Variants in DYNC1I1 observed in about 807,000 individuals in gnomAD.
DYNC1I1 encodes the protein dynein cytoplasmic 1 intermediate chain 1.
In DYNC1I1, 43 loss-of-function variants were observed where a neutral mutation model predicts 86.6. That is an observed-to-expected ratio of 0.50 (90% CI 0.39 to 0.64). DYNC1I1 has a LOEUF of 0.64. Ranked by LOEUF, DYNC1I1 falls within the 30% of genes least tolerant of loss-of-function variation. The pLI is 0.00. For synonymous variants in DYNC1I1, 262 were observed against 283.7 expected (o/e 0.92, Z 0.77); for missense variants, 604 against 788.8 (o/e 0.77, Z 2.81).
chr7:95,948,873 A>G (rs1407588161), intron 6 of DYNC1I1, among the ~76,000 whole-genome samples: 1 of 152,178 alleles, frequency 6.6e-6, no homozygotes, highest in Non-Finnish European at 1.5e-5. Flanking sequence ...CAATTCAGCA[A>G]TTCTTTAATA....
chr7:95,999,951 A>C (rs775176309), intron 10 of DYNC1I1, among the ~76,000 whole-genome samples: 20 of 152,234 alleles, frequency 1.3e-4, no homozygotes, highest in Non-Finnish European at 2.8e-4. Context: ...ACAGAGATAT[A>C]AATTAATTGA....
chr7:95,854,339 C>T (rs1165470463), intron 5 of DYNC1I1, among the ~76,000 whole-genome samples: 2 of 151,850 alleles, frequency 1.3e-5, no homozygotes, highest in African/African-American at 2.4e-5. Context: ...TACCATGAGG[C>T]TTACAGCAAA....
intron 6 of DYNC1I1, among the ~76,000 whole-genome samples, 171 bp from the exon 7 acceptor site, chr7:95,977,341 T>A (rs1184188399): frequency 1.3e-5 from 2 of 152,154 alleles, no homozygotes; most frequent in African/African-American, 4.8e-5. Context: ...TTGGAGATAA[T>A]TTATTCATAA....
At chr7:95,873,231 G>A (rs1202072138) in intron 6 of DYNC1I1, among the ~76,000 whole-genome samples, 3 of 152,088 alleles carry the variant, frequency 2.0e-5, no homozygotes, top group Non-Finnish European at 4.4e-5. Flanking sequence ...CAATAAAGAG[G>A]CCACATTATT....
chr7:95,956,337 C>T (rs1584197380), intron 6 of DYNC1I1, among the ~76,000 whole-genome samples: 1 of 151,408 alleles, frequency 6.6e-6, no homozygotes, highest in Non-Finnish European at 1.5e-5. Context: ...CTATCTCCCT[C>T]GACTTACACA....
rs911178139 is a variant in DYNC1I1 at position 95,883,836 on chromosome 7, G to A, written c.490+13838G>A. On this transcript the variant is annotated intron_variant, in intron 6 of 16. Coordinates refer to ENST00000447467, the MANE Select transcript of DYNC1I1 (RefSeq NM_001135556.2). ...TTCCTTTGGTCAACTAGTTTTAATG[G>A]TTCTCCCCTAAGGAATAAGAATTAT... is the stretch of plus-strand genomic sequence containing the variant. Among the ~76,000 whole-genome samples the A allele has an allele frequency of 1.6e-4, 25 of 152,148 alleles. 1 individual carries two copies. The East Asian group carries it at 2.1e-3, about 13-fold the overall frequency.
At chr7:96,001,765 T>C (rs182555035) in intron 10 of DYNC1I1, among the ~76,000 whole-genome samples, 290 of 152,276 alleles carry the variant, frequency 1.9e-3, no homozygotes, top group African/African-American at 6.6e-3. Context: ...CCTACCGTTA[T>C]GACCTCATAA....
At chr7:95,867,794 T>C (rs185135135) in intron 5 of DYNC1I1, among the ~76,000 whole-genome samples, 16 of 152,274 alleles carry the variant, frequency 1.1e-4, no homozygotes, top group Admixed American at 2.6e-4. Context: ...CTTCCTTGTT[T>C]ATAATAAAGA....
chr7:95,989,360 C>G (rs1029344192), intron 9 of DYNC1I1, among the ~76,000 whole-genome samples: 1 of 152,182 alleles, frequency 6.6e-6, no homozygotes, highest in Non-Finnish European at 1.5e-5. Flanking sequence ...CTTGCAGAGA[C>G]GAAGACAAGC....
At chr7:95,797,456 C>T (rs189358683) in intron 1 of DYNC1I1, among the ~76,000 whole-genome samples, 2 of 152,150 alleles carry the variant, frequency 1.3e-5, no homozygotes, top group East Asian at 1.9e-4. Context: ...AAAAGATTGG[C>T]GATGAAGTTA....
chr7:96,035,141 G>T (rs996275164), intron 12 of DYNC1I1, among the ~76,000 whole-genome samples: 41 of 152,266 alleles, frequency 2.7e-4, no homozygotes, highest in African/African-American at 9.6e-4. Flanking sequence ...GTTGAAATCT[G>T]GTTTTTATGA....
chr7:96,082,384 A>C lies in DYNC1I1; in HGVS notation c.1776+1896A>C, dbSNP rs575971487. ...ACAAGTGTAATTGTGGGAGAGAAAT[A>C]CACATGAAGACATGCTCAGAGATAC... On this transcript the variant is annotated intron_variant, in intron 16 of 16. Transcript: ENST00000447467. Among the ~76,000 whole-genome samples, 12 of 152,236 alleles carry C rather than the reference A, an allele frequency of 7.9e-5. No homozygotes were observed. In the South Asian group the frequency reaches 2.5e-3, roughly 32 times the overall value.
intron 6 of DYNC1I1, among the ~76,000 whole-genome samples, chr7:95,924,051 C>A (rs978643768): frequency 6.6e-6 from 1 of 151,486 alleles, no homozygotes. Flanking sequence ...TTATTGAGAA[C>A]AGTTTTCCCC....
At chr7:95,922,921 C>A (rs1791648830) in intron 6 of DYNC1I1, among the ~76,000 whole-genome samples, 1 of 151,954 alleles carries the variant, frequency 6.6e-6, no homozygotes, top group Non-Finnish European at 1.5e-5. Flanking sequence ...TATTTTAGCT[C>A]ATTAGTTCTC....
At chr7:95,886,755 A>G (rs1376424527) in intron 6 of DYNC1I1, among the ~76,000 whole-genome samples, 1 of 152,246 alleles carries the variant, frequency 6.6e-6, no homozygotes, top group Non-Finnish European at 1.5e-5. Context: ...GACAATGGAA[A>G]CACAATAGGC....
intron 8 of DYNC1I1, among the ~76,000 whole-genome samples, chr7:95,986,508 ATAT>A (rs1562963963): frequency 1.3e-5 from 2 of 152,142 alleles, no homozygotes; most frequent in African/African-American, 4.8e-5. Context: ...TATCTGGAAC[ATAT>A]CTGGTGAATC....
chr7:95,870,049 G>A (rs957572417), intron 6 of DYNC1I1, 51 bp downstream of exon 6: 1 of 1,474,724 alleles, frequency 6.8e-7, no homozygotes, highest in African/African-American at 1.4e-5. Flanking sequence ...AGAAATCGCT[G>A]GGAAGTAACA....
intron 1 of DYNC1I1, among the ~76,000 whole-genome samples, chr7:95,785,451 G>T (rs1374657264): frequency 2.0e-5 from 3 of 151,852 alleles, no homozygotes; most frequent in Admixed American, 6.6e-5. Context: ...AAGAAATGTT[G>T]CTAACTTAAT....
chr7:95,971,915 T>C (rs1793181124), intron 6 of DYNC1I1, among the ~76,000 whole-genome samples: 1 of 152,098 alleles, frequency 6.6e-6, no homozygotes, highest in Non-Finnish European at 1.5e-5. Context: ...GAGCCAGCCT[T>C]AGCGGTCTTC....
Sources: gnomAD v4.1 joint callset for allele counts (sites outside exome capture counted in the v4.1 genomes callset) on GRCh38, gnomAD v4.1.1 for gene constraint, MANE v1.5 for transcripts, NCBI Gene and HGNC (gene_info 2026-07-23, HGNC 2026-07-21) for gene names.